The following U2SURP variants were observed in gnomAD, a reference collection of about 807,000 sequenced individuals.
U2SURP encodes U2 snRNP associated SURP domain containing.
U2SURP carries 9 observed loss-of-function variants against 144.9 expected under a neutral mutation model. The ratio of observed to expected loss-of-function variants is 0.06; its 90% CI spans 0.04 to 0.11. The LOEUF is 0.11. Ranked by LOEUF, U2SURP falls within the 10% of genes least tolerant of loss-of-function variation. The pLI is 1.00. For synonymous variants in U2SURP, 408 were observed against 396.8 expected (o/e 1.03, Z -0.33); for missense variants, 724 against 1,226.7 (o/e 0.59, Z 6.12).
rs747131897 is a variant in U2SURP, at chr3:143,053,752, A to G, written c.2732A>G (p.Asp911Gly). Residue 911 changes from aspartate (D) to glycine (G), a missense_variant, in exon 26 of 28, where the codon GAC (aspartate) becomes GGC (glycine). This residue lies in a region of U2SURP where 129 missense variants were observed against 196.1 expected (regional missense o/e 0.66). Transcript: ENST00000473835. ...DKEKLESRSK[D>G]KKEKDECTPT... ...GAAAAATTGGAATCTCGCTCCAAAG[A>G]CAAGAAGGAAAAAGATGAGTGTACT... is the stretch of plus-strand genomic sequence containing the variant. The G allele has an allele frequency of 3.7e-6, 6 of 1,609,896 alleles. No homozygotes were observed. In the Admixed American group the frequency reaches 1.0e-4, roughly 27 times the overall value.
At chr3:143,024,133 C>A in intron 13 of U2SURP, 115 bp downstream of exon 13, 1 of 955,214 alleles carries the variant, frequency 1.0e-6, no homozygotes, top group East Asian at 2.5e-5. Context: ...TGGTTCCTTC[C>A]CAGTACTTTT....
At position 143,060,393 on chromosome 3, in the gene U2SURP, G is replaced by A. The variant is rs141570395; in HGVS notation, c.*3943G>A. 89 of 152,016 alleles carry A rather than the reference G, an allele frequency of 5.9e-4. No homozygotes were observed. Among genetic ancestry groups the A allele is most frequent in the African/African-American group, 2.0e-3 (84 of 41,518 alleles). 9.4% of individuals were successfully genotyped at this position (152,016 alleles called of 1,614,324 possible). A position where few individuals can be genotyped will look rare whatever the true frequency, so the allele number is the denominator to read the frequency against. On this transcript the variant is annotated 3_prime_UTR_variant, in exon 28 of 28. Coordinates refer to ENST00000473835, the MANE Select transcript of U2SURP (RefSeq NM_001080415.2). ...TATAATTTACTTACTTTTAATGTAA[G>A]GATTAGATTTATTGTTGAGCTGCTT...
At chr3:143,023,312 G>A (rs979539493) in intron 12 of U2SURP, 22 of 392,668 alleles carry the variant, frequency 5.6e-5, no homozygotes, top group Non-Finnish European at 8.6e-5. Context: ...TTTGTCCAGT[G>A]TTGTATCCAG....
intron 6 of U2SURP, among the ~76,000 whole-genome samples, chr3:143,019,538 T>G (rs1936534583): frequency 6.6e-6 from 1 of 152,226 alleles, no homozygotes; most frequent in Admixed American, 6.5e-5. Flanking sequence ...TTGAAAAGAT[T>G]ATTCTTCCCT....
intron 27 of U2SURP, among the ~76,000 whole-genome samples, chr3:143,055,878 T>C (rs931026182): frequency 2.6e-5 from 4 of 152,228 alleles, no homozygotes; most frequent in Non-Finnish European, 4.4e-5. Context: ...AGTAGTTGTT[T>C]GCTTCAGGAT....
intron 4 of U2SURP, among the ~76,000 whole-genome samples, chr3:143,015,312 A>G (rs1392266331): frequency 6.6e-6 from 1 of 152,110 alleles, no homozygotes; most frequent in Non-Finnish European, 1.5e-5. Context: ...TTGTTATACA[A>G]GGTACAATTT....
chr3:143,045,394 A>C (rs6440132), intron 24 of U2SURP, among the ~76,000 whole-genome samples: 2 of 144,052 alleles, frequency 1.4e-5, no homozygotes, highest in African/African-American at 5.2e-5. Context: ...AAAAAAGAGC[A>C]CTCCCTTTCT....
At chr3:143,037,680 T>C (rs1322541162) in intron 21 of U2SURP, among the ~76,000 whole-genome samples, 1 of 152,130 alleles carries the variant, frequency 6.6e-6, no homozygotes, top group Middle Eastern at 3.2e-3. Flanking sequence ...CCTGGTTTTA[T>C]CAGTTTTTAT....
At chr3:143,005,226 A>G (rs1416344611) in intron 1 of U2SURP, among the ~76,000 whole-genome samples, 1 of 149,902 alleles carries the variant, frequency 6.7e-6, no homozygotes, top group Non-Finnish European at 1.5e-5. Flanking sequence ...GCTTCCTTGG[A>G]CATCCAGTGC....
rs112914172 is a variant in U2SURP, at chr3:143,001,700, C to G, written c.45+27C>G. On this transcript the variant is annotated intron_variant, in intron 1 of 27. Transcript: ENST00000473835. ...TAATTTCTGACAAAATTTCGTAAGT[C>G]AGCGGATCTACCACTGTCGTTTGGG... The G allele has an allele frequency of 9.9e-6, 16 of 1,613,194 alleles. No individual in the cohort carries two copies. In the South Asian group the frequency reaches 1.5e-4, roughly 16 times the overall value.
At chr3:143,053,627 C>T (rs1009105757) in intron 25 of U2SURP, 49 bp from the exon 26 acceptor site, 3 of 1,078,712 alleles carry the variant, frequency 2.8e-6, no homozygotes, top group African/African-American at 1.6e-5. Context: ...TGAGATTAAC[C>T]CACATTGATA....
At chr3:143,054,797 A>C (rs1433356357) in intron 26 of U2SURP, 146 bp from the exon 27 acceptor site, 1 of 764,220 alleles carries the variant, frequency 1.3e-6, no homozygotes, top group African/African-American at 1.8e-5. Context: ...TCTTGTTACA[A>C]AGGACTTTGA....
intron 1 of U2SURP, among the ~76,000 whole-genome samples, chr3:143,003,216 C>G (rs981113139): frequency 2.0e-5 from 3 of 152,112 alleles, no homozygotes; most frequent in African/African-American, 7.2e-5. Flanking sequence ...GTAATCTTTT[C>G]TGTTTATATT....
chr3:143,013,331 A>C (rs936358311), intron 3 of U2SURP, among the ~76,000 whole-genome samples: 1 of 152,068 alleles, frequency 6.6e-6, no homozygotes, highest in African/African-American at 2.4e-5. Flanking sequence ...TTTATTTTGA[A>C]TCCTCTCCTG....
rs967129475 is a variant in U2SURP, at chr3:143,038,878, T to C, written c.2318-16T>C. 194 of 1,529,928 alleles carry C rather than the reference T, an allele frequency of 1.3e-4. No homozygotes were observed. Among genetic ancestry groups the C allele is most frequent in the Non-Finnish European group, 1.6e-4 (185 of 1,138,504 alleles). The allele number at this position is 1,529,928 out of a possible 1,614,324, so 94.8% of individuals were successfully genotyped here. A position where few individuals can be genotyped will look rare whatever the true frequency, so the allele number is the denominator to read the frequency against. ...TTTACCTCGTGGAATTACATCCTCC[T>C]TTTCCTTTCATTCAGCTGTTACAAC... On this transcript the variant is annotated splice_polypyrimidine_tract_variant and intron_variant, in intron 22 of 27. Transcript: ENST00000473835.
rs2108281636 is a variant in U2SURP at position 143,019,992 on chromosome 3, A to G, written c.594A>G (p.Glu198=). Residue 198 remains glutamate (E), a synonymous_variant, in exon 7 of 28, where the codon GAA becomes GAG. Transcript: ENST00000473835. The part of the protein sequence containing the change: ...KKPPLKKGEK[E]KKKSNLELFK... ...AGCCACTTAAAAAAGGAGAGAAAGA[A>G]AAGAAAAAAAGCAATTTGGAACTCT... 2.0e-6 allele frequency: 3 copies of G among 1,522,702 alleles called. No individual in the cohort carries two copies. The highest frequency in any genetic ancestry group is 2.1e-5 in the Admixed American group (1 of 48,266). The allele number at this position is 1,522,702 out of a possible 1,614,324, so 94.3% of individuals were successfully genotyped here.
Position 143,004,353 on chromosome 3 carries a change from GTTTTTTTTTTTTTTT to G in U2SURP, c.45+2694_45+2708del, listed in dbSNP as rs869186497. Among the ~76,000 whole-genome samples the G allele has an allele frequency of 6.0e-5, 5 of 83,412 alleles. No individual in the cohort carries two copies. The East Asian group carries it at 1.1e-3, about 18-fold the overall frequency. The allele number at this position is 83,412 out of a possible 152,430, so 54.7% of individuals were successfully genotyped here. A position where few individuals can be genotyped will look rare whatever the true frequency, so the allele number is the denominator to read the frequency against. On this transcript the variant is annotated intron_variant, in intron 1 of 27. Transcript: ENST00000473835. ...CCTCTACAGGTCTTCTAGTTGGGGTGTTTTTTTTTTTTTTTTTTTTTTTTTTTTGAGAGGGAGTCT... is the reference window on the plus strand; with the variant it reads ...CCTCTACAGGTCTTCTAGTTGGGGTGTTTTTTTTTTTTTGAGAGGGAGTCT...
chr3:143,006,309 G>T (rs1233692120), intron 1 of U2SURP, among the ~76,000 whole-genome samples: 1 of 152,196 alleles, frequency 6.6e-6, no homozygotes, highest in East Asian at 1.9e-4. Flanking sequence ...GGTAGCTGTT[G>T]TTAATGAGTG....
intron 18 of U2SURP, among the ~76,000 whole-genome samples, chr3:143,033,976 T>A (rs958935132): frequency 6.6e-5 from 10 of 152,232 alleles, no homozygotes; most frequent in African/African-American, 2.4e-4. Context: ...GTGTATATAC[T>A]GGCAAACATA....
Sources: allele counts gnomAD v4.1 joint callset (sites outside exome capture counted in the v4.1 genomes callset), GRCh38; gene constraint gnomAD v4.1.1; regional missense constraint gnomAD v4.1.1; transcripts MANE v1.5; gene names NCBI Gene and HGNC (gene_info 2026-07-23, HGNC 2026-07-21).